The following RGS6 variants were observed in gnomAD, a reference collection of about 807,000 sequenced individuals.
RGS6 encodes the protein regulator of G-protein signaling 6.
Under a neutral mutation model 78.5 loss-of-function variants are expected in RGS6, and 30 were observed. That is an observed-to-expected ratio of 0.38 (90% confidence interval 0.29 to 0.52). The LOEUF (loss-of-function observed/expected upper bound fraction) is 0.52. Ranked by LOEUF, RGS6 falls within the 20% of genes least tolerant of loss-of-function variation. The probability of loss-of-function intolerance (pLI) is 0.85; values close to 1 mark genes in which losing one functional copy is unlikely to be tolerated. For missense variants in RGS6, 495 were observed against 609.7 expected (o/e 0.81, Z 1.98); for synonymous variants, 206 against 206.0 (o/e 1.00, Z 0.00).
the RGS6 span, among the ~76,000 whole-genome samples, chr14:71,919,836 A>G: frequency 6.6e-6 from 1 of 151,990 alleles, no homozygotes; most frequent in Non-Finnish European, 1.5e-5. Flanking sequence ...TCTACTAAAC[A>G]TATAAAAATT....
chr14:72,364,058 G>T (rs188164442), intron 3 of RGS6, among the ~76,000 whole-genome samples: 1 of 149,604 alleles, frequency 6.7e-6, no homozygotes, highest in East Asian at 2.0e-4. Context: ...TTCTCAATGG[G>T]CTCAGAAACT....
chr14:72,321,973 A>T (rs1396432879), intron 2 of RGS6, among the ~76,000 whole-genome samples: 1 of 151,992 alleles, frequency 6.6e-6, no homozygotes, highest in Non-Finnish European at 1.5e-5. Flanking sequence ...TCTAATCACT[A>T]TGAGTCAAAA....
At chr14:72,146,574 G>C (rs936732271) in intron 2 of RGS6, among the ~76,000 whole-genome samples, 1 of 152,088 alleles carries the variant, frequency 6.6e-6, no homozygotes, top group African/African-American at 2.4e-5. Context: ...GGTGAGACAG[G>C]CATAGGATAG....
intron 3 of RGS6, among the ~76,000 whole-genome samples, chr14:72,382,517 A>G (rs1298032776): frequency 6.6e-6 from 1 of 152,230 alleles, no homozygotes; most frequent in East Asian, 1.9e-4. Flanking sequence ...CGCAAACCAC[A>G]TTGGAAAACG....
At chr14:72,459,356 T>G (rs1395664578) in intron 5 of RGS6, among the ~76,000 whole-genome samples, 2 of 152,232 alleles carry the variant, frequency 1.3e-5, no homozygotes, top group African/African-American at 4.8e-5. Flanking sequence ...ACTTTTGTAC[T>G]TAGACCTCTA....
At chr14:72,138,972 C>T (rs979810668) in intron 2 of RGS6, among the ~76,000 whole-genome samples, 2 of 152,124 alleles carry the variant, frequency 1.3e-5, no homozygotes, top group Non-Finnish European at 2.9e-5. Flanking sequence ...AGCCCAAAGT[C>T]ACCCCCACCG....
chr14:72,344,783 C>A (rs890420349), intron 2 of RGS6, among the ~76,000 whole-genome samples: 1 of 152,152 alleles, frequency 6.6e-6, no homozygotes, highest in East Asian at 1.9e-4. Context: ...AGCACTGGGA[C>A]ACCATGGACA....
At chr14:71,946,357 G>A (rs1475432877) in intron 1 of RGS6, among the ~76,000 whole-genome samples, 1 of 152,148 alleles carries the variant, frequency 6.6e-6, no homozygotes, top group African/African-American at 2.4e-5. Flanking sequence ...AACTATTAAT[G>A]GGGTTGCGGG....
intron 3 of RGS6, among the ~76,000 whole-genome samples, chr14:72,359,259 A>G (rs2080995519): frequency 6.6e-6 from 1 of 152,104 alleles, no homozygotes; most frequent in Non-Finnish European, 1.5e-5. Flanking sequence ...GATAGATCAG[A>G]TATGGAATGT....
At chr14:71,996,965 G>T (rs1186801378) in intron 2 of RGS6, among the ~76,000 whole-genome samples, 1 of 152,126 alleles carries the variant, frequency 6.6e-6, no homozygotes, top group East Asian at 1.9e-4. Flanking sequence ...ATAACATAGA[G>T]TTCTTAGTTT....
chr14:71,938,676 C>T (rs1376559645), intron 1 of RGS6, among the ~76,000 whole-genome samples: 1 of 152,154 alleles, frequency 6.6e-6, no homozygotes. Context: ...TGAGTCAGAT[C>T]ACGTATATAC....
At chr14:72,541,275 G>A in intron 17 of RGS6, 2 of 1,443,746 alleles carry the variant, frequency 1.4e-6, no homozygotes, top group Non-Finnish European at 1.8e-6. Flanking sequence ...AAAGTCTAAG[G>A]CTCCTGGGTT....
intron 2 of RGS6, among the ~76,000 whole-genome samples, chr14:72,269,567 A>ATT (rs56171281): frequency 0.032 from 3,840 of 119,868 alleles, 306 homozygotes; most frequent in African/African-American, 0.053. Flanking sequence ...CCTATCTTAA[A>ATT]TTTTTTTTTT....
At chr14:71,983,934 T>C (rs907883385) in intron 2 of RGS6, among the ~76,000 whole-genome samples, 5 of 152,210 alleles carry the variant, frequency 3.3e-5, no homozygotes, top group African/African-American at 1.2e-4. Context: ...AGTGTACTTA[T>C]TGAGCTGTTG....
intron 3 of RGS6, among the ~76,000 whole-genome samples, chr14:72,453,065 G>C (rs1365895067): frequency 6.6e-6 from 1 of 152,198 alleles, no homozygotes; most frequent in Non-Finnish European, 1.5e-5. Flanking sequence ...TAGCTGAAGG[G>C]CTGTCGCACA....
rs11381940 is a variant in RGS6 at position 72,281,144 on chromosome 14, C to CTTT, written c.85-70932_85-70930dup. Among the ~76,000 whole-genome samples the CTTT allele has an allele frequency of 1.3e-3, 145 of 112,804 alleles. 2 individuals are homozygous for CTTT. Among genetic ancestry groups the CTTT allele is most frequent in the African/African-American group, 3.5e-3 (100 of 28,844 alleles). 74.0% of individuals were successfully genotyped at this position (112,804 alleles called of 152,430 possible). ...AAAAAGTGAGAAGTGAAACAAGATT[C>CTTT]TTTTTTTTTTTTTTTTTTTTTGGAG... On this transcript the variant is annotated intron_variant, in intron 2 of 17. Coordinates refer to ENST00000553525, the MANE Select transcript of RGS6 (RefSeq NM_001204424.2).
At chr14:72,233,945 G>A (rs2050321563) in intron 2 of RGS6, among the ~76,000 whole-genome samples, 1 of 152,130 alleles carries the variant, frequency 6.6e-6, no homozygotes, top group African/African-American at 2.4e-5. Context: ...TGTCTGTGGT[G>A]CAGGGAGATT....
At chr14:72,401,704 A>T (rs943192621) in intron 3 of RGS6, among the ~76,000 whole-genome samples, 1 of 152,160 alleles carries the variant, frequency 6.6e-6, no homozygotes, top group Non-Finnish European at 1.5e-5. Context: ...TTTTAAAAAG[A>T]TGCTTAAAAT....
chr14:72,398,312 C>A (rs2091803753), intron 3 of RGS6, among the ~76,000 whole-genome samples: 1 of 152,156 alleles, frequency 6.6e-6, no homozygotes, highest in Non-Finnish European at 1.5e-5. Flanking sequence ...TTATCCATTT[C>A]TTCTTGATTT....
Sources: allele counts gnomAD v4.1 joint callset (sites outside exome capture counted in the v4.1 genomes callset), GRCh38; gene constraint gnomAD v4.1.1; transcripts MANE v1.5; gene names NCBI Gene and HGNC (gene_info 2026-07-23, HGNC 2026-07-21).